Variants in SLC14A2 observed in about 807,000 individuals in gnomAD.
The protein encoded by SLC14A2 is solute carrier family 14 member 2, also known as urea transporter 2.
SLC14A2 carries 91 observed loss-of-function variants against 104.6 expected under a neutral mutation model. That is an observed-to-expected ratio of 0.87 (90% CI 0.73 to 1.04). The LOEUF is 1.04. Ranked by LOEUF, SLC14A2 falls within the 50% of genes least tolerant of loss-of-function variation. The pLI, the probability that SLC14A2 is intolerant of heterozygous loss-of-function variation, is 0.00. For synonymous variants in SLC14A2, 476 were observed against 466.4 expected, an observed-to-expected ratio of 1.02 and a Z score of -0.27; for missense variants, 1,189 against 1,156.0, an observed-to-expected ratio of 1.03 and a Z score of -0.41.
chr18:45,534,699 C>T (rs1439528522), intron 2 of SLC14A2, among the ~76,000 whole-genome samples: 2 of 152,082 alleles, frequency 1.3e-5, no homozygotes, highest in African/African-American at 4.8e-5. Context: ...GGGACATAGG[C>T]AAAGGGTTGA....
At chr18:45,415,847 G>C (rs892222273) in intron 1 of SLC14A2, among the ~76,000 whole-genome samples, 1 of 151,996 alleles carries the variant, frequency 6.6e-6, no homozygotes, top group African/African-American at 2.4e-5. Flanking sequence ...TTGACCTTTG[G>C]CCTGTTAGAC....
chr18:45,539,058 G>A (rs893228221), intron 2 of SLC14A2, among the ~76,000 whole-genome samples: 2 of 151,706 alleles, frequency 1.3e-5, no homozygotes, highest in South Asian at 4.2e-4. Context: ...AAGCCCATGG[G>A]GATAGAGAAG....
the SLC14A2 span, among the ~76,000 whole-genome samples, chr18:45,195,649 C>T: frequency 6.6e-6 from 1 of 152,146 alleles, no homozygotes; most frequent in African/African-American, 2.4e-5. Flanking sequence ...CTTGGCCTCC[C>T]ATAGTGCTGG....
intron 1 of SLC14A2, among the ~76,000 whole-genome samples, chr18:45,222,714 A>G (rs1568107703): frequency 6.6e-6 from 1 of 152,172 alleles, no homozygotes; most frequent in Non-Finnish European, 1.5e-5. Context: ...TACCCTTTGG[A>G]TATCACTGCA....
In SLC14A2 at chr18:45,625,663, T is replaced by A. The variant is rs1356966937; in HGVS notation, c.151-20T>A. On this transcript the variant is annotated intron_variant, in intron 2 of 19. Transcript: ENST00000255226. The stretch of plus-strand genomic sequence containing the variant: ...TCAGAAAGCTGTATCATTTGATGTC[T>A]GGTTGGTTTCTCCTAAAAGGATCTC... The A allele has an allele frequency of 1.3e-6, 2 of 1,519,430 alleles. No individual in the cohort carries two copies. The highest frequency in any genetic ancestry group is 1.8e-6 in the Non-Finnish European group (2 of 1,137,658). 94.1% of individuals were successfully genotyped at this position (1,519,430 alleles called of 1,614,324 possible). A position where few individuals can be genotyped will look rare whatever the true frequency, so the allele number is the denominator to read the frequency against.
chr18:45,446,018 C>T (rs536128376), intron 1 of SLC14A2, among the ~76,000 whole-genome samples: 1 of 152,158 alleles, frequency 6.6e-6, no homozygotes, highest in Non-Finnish European at 1.5e-5. Flanking sequence ...TGGGTTCTAA[C>T]TTAGGCTATA....
At position 45,650,332 on chromosome 18, in the gene SLC14A2, T is replaced by A. The variant is rs575026716; in HGVS notation, c.1351+6172T>A. 7.2e-5 allele frequency among the ~76,000 whole-genome samples: 11 copies of A among 152,284 alleles called. No homozygotes were observed. In the East Asian group the frequency reaches 7.7e-4, roughly 11 times the overall value. ...CCATGTGTGTTTATGATTTTTTTTT[T>A]AATTTTCTATCTCCTCTTGCTCCAG... On this transcript the variant is annotated intron_variant, in intron 10 of 19. Coordinates refer to ENST00000255226, the MANE Select transcript of SLC14A2 (RefSeq NM_007163.4).
chr18:45,527,405 ATGATGT>A (rs1001263358), intron 2 of SLC14A2, among the ~76,000 whole-genome samples: 8 of 152,194 alleles, frequency 5.3e-5, no homozygotes, highest in South Asian at 2.1e-4. Flanking sequence ...TTTATTATAG[ATGATGT>A]TGATGGTGTT....
chr18:45,676,214 G>A lies in SLC14A2; in HGVS notation c.2512+2397G>A, dbSNP rs564730702. ...AATGCTAGAAATGAGAAGTCAAGGA[G>A]TCCTGAAGTTTTTAAAGATTCAGAG... On this transcript the variant is annotated intron_variant, in intron 18 of 19. Coordinates refer to ENST00000255226, the MANE Select transcript of SLC14A2 (RefSeq NM_007163.4). 8.6e-4 allele frequency among the ~76,000 whole-genome samples: 131 copies of A among 152,284 alleles called. 1 individual carries two copies. The highest frequency in any genetic ancestry group is 8.2e-3 in the Admixed American group (126 of 15,298).
At chr18:45,252,725 T>C (rs1409142418) in intron 1 of SLC14A2, among the ~76,000 whole-genome samples, 6 of 151,634 alleles carry the variant, frequency 4.0e-5, no homozygotes, top group Non-Finnish European at 5.9e-5. Flanking sequence ...TTGAGAGACA[T>C]TAAAATCAAA....
At chr18:45,455,882 G>A (rs1337400783) in intron 1 of SLC14A2, among the ~76,000 whole-genome samples, 2 of 152,138 alleles carry the variant, frequency 1.3e-5, no homozygotes. Context: ...GATGGAGTGA[G>A]AAATGGGTAT....
upstream of SLC14A2, among the ~76,000 whole-genome samples, chr18:45,613,048 G>GT (rs2044997596): frequency 2.6e-5 from 4 of 151,786 alleles, no homozygotes; most frequent in Non-Finnish European, 4.4e-5. Flanking sequence ...TTTTGTTGTT[G>GT]TTTTTTGAGA....
chr18:45,229,006 C>A (rs921243312), intron 1 of SLC14A2, among the ~76,000 whole-genome samples: 4 of 152,180 alleles, frequency 2.6e-5, no homozygotes, highest in South Asian at 2.1e-4. Context: ...CTGGAAACTG[C>A]CCAAATCTGG....
chr18:45,337,569 C>T (rs2085349193), intron 1 of SLC14A2, among the ~76,000 whole-genome samples: 1 of 152,174 alleles, frequency 6.6e-6, no homozygotes, highest in Admixed American at 6.5e-5. Flanking sequence ...ACTGAATTCC[C>T]TGCCATGACA....
At chr18:45,538,101 C>T (rs2043823069) in intron 2 of SLC14A2, among the ~76,000 whole-genome samples, 1 of 152,174 alleles carries the variant, frequency 6.6e-6, no homozygotes, top group African/African-American at 2.4e-5. Flanking sequence ...AGTTCAAAAG[C>T]TCAGTGCCCT....
the SLC14A2 span, among the ~76,000 whole-genome samples, chr18:45,192,541 C>T: frequency 1.4e-4 from 22 of 152,104 alleles, 1 homozygote; most frequent in South Asian, 8.3e-4. Flanking sequence ...AGCAGTGTTT[C>T]GTTTCCTTCA....
chr18:45,193,872 C>A, the SLC14A2 span, among the ~76,000 whole-genome samples: 1 of 152,078 alleles, frequency 6.6e-6, no homozygotes, highest in Non-Finnish European at 1.5e-5. Context: ...TTTCTTTAGG[C>A]CTTCTTCAAT....
At chr18:45,462,484 G>A (rs997660716) in intron 1 of SLC14A2, among the ~76,000 whole-genome samples, 1 of 152,226 alleles carries the variant, frequency 6.6e-6, no homozygotes, top group African/African-American at 2.4e-5. Flanking sequence ...TTGTCCACTA[G>A]AGTCTGAGGG....
intron 1 of SLC14A2, among the ~76,000 whole-genome samples, chr18:45,414,819 A>C (rs1180905926): frequency 1.5e-5 from 2 of 137,026 alleles, no homozygotes; most frequent in Non-Finnish European, 3.1e-5. Context: ...TCATGCCCTC[A>C]AGGATCTCAT....
Sources: allele counts gnomAD v4.1 joint callset (sites outside exome capture counted in the v4.1 genomes callset), GRCh38; gene constraint gnomAD v4.1.1; transcripts MANE v1.5; gene names NCBI Gene and HGNC (gene_info 2026-07-23, HGNC 2026-07-21).